GDF6: variants seen among roughly 807,000 people sequenced by gnomAD.
GDF6 encodes growth differentiation factor 6.
A neutral mutation model predicts 32.4 loss-of-function variants in GDF6; 3 were observed. The observed-to-expected ratio is 0.09, with a 90% confidence interval of 0.04 to 0.24. The LOEUF is 0.24. Ranked by LOEUF, GDF6 falls within the 10% of genes least tolerant of loss-of-function variation. The probability of loss-of-function intolerance (pLI) is 1.00; values close to 1 mark genes in which losing one functional copy is unlikely to be tolerated. For missense variants in GDF6, 589 were observed against 637.9 expected, an observed-to-expected ratio of 0.92 and a Z score of 0.83; for synonymous variants, 296 against 295.3, an observed-to-expected ratio of 1.00 and a Z score of -0.03.
intron 1 of GDF6, among the ~76,000 whole-genome samples, chr8:96,158,962 G>A (rs1259081808): frequency 1.3e-5 from 2 of 152,024 alleles, no homozygotes; most frequent in Non-Finnish European, 2.9e-5. Context: ...TGAGAGGCGG[G>A]GACTGGAGCC....
intron 1 of GDF6, among the ~76,000 whole-genome samples, chr8:96,158,400 A>G (rs1360062861): frequency 1.2e-4 from 18 of 152,020 alleles, no homozygotes; most frequent in Admixed American, 1.2e-3. Context: ...CTTTTCCCCA[A>G]CCCTTGTCTG....
chr8:96,160,196 G>A, intron 1 of GDF6, 91 bp downstream of exon 1: 2 of 1,244,330 alleles, frequency 1.6e-6, no homozygotes, highest in Middle Eastern at 1.9e-4. Context: ...AGAGCAGGAA[G>A]GGAATTCACA....
intron 1 of GDF6, among the ~76,000 whole-genome samples, chr8:96,155,843 C>T (rs1194947140): frequency 6.6e-6 from 1 of 152,218 alleles, no homozygotes; most frequent in African/African-American, 2.4e-5. Flanking sequence ...CCAACGACAA[C>T]AGGGTACCGG....
At position 96,144,418 on chromosome 8, in the gene GDF6, A is replaced by G; in HGVS notation, c.*145T>C. On this transcript the variant is annotated 3_prime_UTR_variant, in exon 2 of 2. Coordinates refer to ENST00000287020, the MANE Select transcript of GDF6 (RefSeq NM_001001557.4). This position sits in a 1 kb window ranked among gnomAD's most constrained non-coding sequence, Gnocchi z 5.1. The stretch of plus-strand genomic sequence containing the variant: ...GGAAGGCTGCGCTCCCTTCTCTCCC[A>G]CCGGCTCTCACATCCAGGCTGTTCC... 6.4e-6 allele frequency: 6 copies of G among 932,226 alleles called. No individual in the cohort carries two copies. Among genetic ancestry groups the G allele is most frequent in the Non-Finnish European group, 7.9e-6 (5 of 629,962 alleles). The allele number at this position is 932,226 out of a possible 1,614,324, so 57.7% of individuals were successfully genotyped here. A position where few individuals can be genotyped will look rare whatever the true frequency, so the allele number is the denominator to read the frequency against.
In GDF6 at chr8:96,145,911, G is replaced by A. The variant is rs1328126269; in HGVS notation, c.407-387C>T. On this transcript the variant is annotated intron_variant, in intron 1 of 1. Coordinates refer to ENST00000287020, the MANE Select transcript of GDF6 (RefSeq NM_001001557.4). The surrounding 1 kb of genome is among the most constrained non-coding windows in gnomAD (Gnocchi z 5.6). ...TGGGCTGGGCTGGCTCGTTCTCGTT[G>A]ACGTCTCAAATGTCACCTCCTCCAA... 2.6e-5 allele frequency among the ~76,000 whole-genome samples: 4 copies of A among 152,186 alleles called. No individual in the cohort carries two copies.
At position 96,145,322 on chromosome 8, in the gene GDF6, G is replaced by A; in HGVS notation, c.609C>T (p.Asp203=). 2 of 1,536,064 alleles carry A rather than the reference G, an allele frequency of 1.3e-6. No homozygotes were observed. Among genetic ancestry groups the A allele is most frequent in the East Asian group, 2.4e-5 (1 of 41,186 alleles). The part of the protein sequence containing the change: ...SPLLLDARTL[D]PQGAPPAGWE... ...AGCCGGCCGGCGGCGCCCCCTGCGG[G>A]TCCAGGGTCCGCGCGTCCAGCAGTA... Residue 203 remains aspartate, a synonymous_variant, in exon 2 of 2, where the codon GAC becomes GAT. Transcript: ENST00000287020. This position sits in a 1 kb window ranked among gnomAD's most constrained non-coding sequence, Gnocchi z 5.6.
chr8:96,144,738 G>A lies in GDF6; in HGVS notation c.1193C>T (p.Thr398Ile), dbSNP rs1190578447. ...CAGCGTCTGGATGATGGCGTGGTTGGTGGGCTCCAGGTGCGAGCGCAGCGG... is the reference window on the plus strand; with the variant it reads ...CAGCGTCTGGATGATGGCGTGGTTGATGGGCTCCAGGTGCGAGCGCAGCGG... ...DFPLRSHLEP[T>I]NHAIIQTLMN... The change falls in exon 2 of 2, where the codon ACC becomes ATC. Residue 398 changes from threonine (T) to isoleucine (I), a missense_variant. By Grantham distance (89) the Thr-to-Ile change is moderately conservative. Around this residue, in one of 2 missense-constraint regions of GDF6, gnomAD observed 153 missense variants for 226.7 expected, o/e 0.67. Transcript: ENST00000287020. This position sits in a 1 kb window ranked among gnomAD's most constrained non-coding sequence, Gnocchi z 5.1. 2 of 1,614,084 alleles carry A rather than the reference G, an allele frequency of 1.2e-6. No homozygotes were observed. Among genetic ancestry groups the A allele is most frequent in the Non-Finnish European group, 1.7e-6 (2 of 1,180,040 alleles).
At chr8:96,148,508 T>C (rs1812518746) in intron 1 of GDF6, among the ~76,000 whole-genome samples, 1 of 152,228 alleles carries the variant, frequency 6.6e-6, no homozygotes, top group African/African-American at 2.4e-5. Flanking sequence ...TTGCTAGAAA[T>C]GCAAATTCTC....
Position 96,145,258 on chromosome 8 carries a change from G to C in GDF6, c.673C>G (p.Pro225Ala). 6.6e-7 allele frequency: 1 copy of C among 1,526,464 alleles called. No homozygotes were observed. The highest frequency in any genetic ancestry group is 1.2e-5 in the South Asian group (1 of 83,272). The allele number at this position is 1,526,464 out of a possible 1,614,324, so 94.6% of individuals were successfully genotyped here. The change falls in exon 2 of 2, where the codon CCC (proline) becomes GCC (alanine). Residue 225 changes from proline to alanine, a missense_variant. Around this residue, in one of 2 missense-constraint regions of GDF6, gnomAD observed 436 missense variants for 411.2 expected, o/e 1.06. Transcript: ENST00000287020. The surrounding 1 kb of genome is among the most constrained non-coding windows in gnomAD (Gnocchi z 5.6). ...AGCTCCAAGCACAGCTGCTTCCAGG[G>C]CTGGTGGCGCAGGCCCTGCCACACG... ...FDVWQGLRHQ[P>A]WKQLCLELRA...
At chr8:96,150,427 C>T (rs891284067) in intron 1 of GDF6, among the ~76,000 whole-genome samples, 11 of 152,228 alleles carry the variant, frequency 7.2e-5, no homozygotes, top group South Asian at 2.1e-4. Flanking sequence ...AGGCGCCTTT[C>T]CCTTACCCCC....
chr8:96,160,141 C>T, intron 1 of GDF6, 146 bp downstream of exon 1: 1 of 889,700 alleles, frequency 1.1e-6, no homozygotes, highest in Non-Finnish European at 1.9e-6. Flanking sequence ...GAAACTTACT[C>T]GAGCTTGAGA....
intron 1 of GDF6, among the ~76,000 whole-genome samples, chr8:96,147,196 G>A (rs943042906): frequency 4.6e-5 from 7 of 152,202 alleles, no homozygotes; most frequent in Admixed American, 1.3e-4. Context: ...GGGGCTGACC[G>A]TAGCACTGGC....
chr8:96,148,889 A>C (rs1054488842), intron 1 of GDF6, among the ~76,000 whole-genome samples: 5 of 152,206 alleles, frequency 3.3e-5, no homozygotes, highest in Admixed American at 3.3e-4. Flanking sequence ...TCCTCTGTGC[A>C]GCTCCCCTGC....
chr8:96,155,612 A>G (rs1403956724), intron 1 of GDF6, among the ~76,000 whole-genome samples: 1 of 152,212 alleles, frequency 6.6e-6, no homozygotes, highest in Non-Finnish European at 1.5e-5. Flanking sequence ...ACACACTTGA[A>G]CGCTTAGCAA....
Position 96,145,231 on chromosome 8 carries a change from G to C in GDF6, c.700C>G (p.Arg234Gly). ...QPWKQLCLELRAAWGELDAGE... is the reference protein window; with the variant it reads ...QPWKQLCLELGAAWGELDAGE... ...GCGTCCAGCTCGCCCCATGCGGCCC[G>C]CAGCTCCAAGCACAGCTGCTTCCAG... Residue 234 changes from arginine (R) to glycine (G), a missense_variant, in exon 2 of 2, where the codon CGG (arginine) becomes GGG (glycine). Physicochemically the swap from Arg to Gly is moderately radical, Grantham distance 125 (BLOSUM62 -2). Coordinates refer to ENST00000287020, the MANE Select transcript of GDF6 (RefSeq NM_001001557.4). The surrounding 1 kb of genome is among the most constrained non-coding windows in gnomAD (Gnocchi z 5.6). The C allele has an allele frequency of 6.6e-7, 1 of 1,515,128 alleles. No individual in the cohort carries two copies. The highest frequency in any genetic ancestry group is 8.8e-7 in the Non-Finnish European group (1 of 1,138,838). 93.9% of individuals were successfully genotyped at this position (1,515,128 alleles called of 1,614,324 possible).
At chr8:96,158,200 T>A (rs1310035938) in intron 1 of GDF6, among the ~76,000 whole-genome samples, 1 of 152,150 alleles carries the variant, frequency 6.6e-6, no homozygotes, top group African/African-American at 2.4e-5. Flanking sequence ...TACTTGTGGA[T>A]CTCGGTCCTG....
At chr8:96,154,897 G>C (rs1423782695) in intron 1 of GDF6, among the ~76,000 whole-genome samples, 1 of 152,162 alleles carries the variant, frequency 6.6e-6, no homozygotes, top group Non-Finnish European at 1.5e-5. Context: ...AAGGACTCCA[G>C]CTAAGAAAAA....
At position 96,145,016 on chromosome 8, in the gene GDF6, C is replaced by T. The variant is rs1399835264; in HGVS notation, c.915G>A (p.Pro305=). 3 of 1,398,784 alleles carry T rather than the reference C, an allele frequency of 2.1e-6. No individual in the cohort carries two copies. The highest frequency in any genetic ancestry group is 3.0e-5 in the African/African-American group (2 of 67,378). 86.6% of individuals were successfully genotyped at this position (1,398,784 alleles called of 1,614,324 possible). A position where few individuals can be genotyped will look rare whatever the true frequency, so the allele number is the denominator to read the frequency against. Reference sequence around the variant, plus strand: ...GCCACGACCCCTCGGCGCCCGCGCCCGGGCCCGCAGCCTCGGCCGAGCCCA... The same window carrying T: ...GCCACGACCCCTCGGCGCCCGCGCCTGGGCCCGCAGCCTCGGCCGAGCCCA... ...EQLGSAEAAG[P]GAGAEGSWPP... Residue 305 remains proline, a synonymous_variant, in exon 2 of 2, where the codon CCG becomes CCA. Coordinates refer to ENST00000287020, the MANE Select transcript of GDF6 (RefSeq NM_001001557.4). The surrounding 1 kb of genome is among the most constrained non-coding windows in gnomAD (Gnocchi z 5.6).
At chr8:96,155,880 C>A (rs1414069304) in intron 1 of GDF6, among the ~76,000 whole-genome samples, 1 of 152,168 alleles carries the variant, frequency 6.6e-6, no homozygotes, top group Non-Finnish European at 1.5e-5. Flanking sequence ...TTGATTACAC[C>A]ACTCTGCGGC....
Sources: gnomAD v4.1 joint callset for allele counts (sites outside exome capture counted in the v4.1 genomes callset) on GRCh38, gnomAD v4.1.1 for gene constraint, gnomAD v4.1.1 regional missense constraint, Gnocchi (gnomAD v3.1) non-coding constraint, MANE v1.5 for transcripts, NCBI Gene and HGNC (gene_info 2026-07-23, HGNC 2026-07-21) for gene names.